Variants in AMN1 observed in about 807,000 individuals in gnomAD.
AMN1 encodes antagonist of mitotic exit network 1 homolog, also known as protein AMN1 homolog.
A neutral mutation model predicts 33.0 loss-of-function variants in AMN1; 20 were observed. That is an observed-to-expected ratio of 0.61 (90% CI 0.43 to 0.88). The LOEUF is 0.88. Among genes scored for constraint, AMN1 ranks in the 40% least tolerant of loss-of-function variants. The probability of loss-of-function intolerance (pLI) is 0.00; values close to 1 mark genes in which losing one functional copy is unlikely to be tolerated. For synonymous variants in AMN1, 114 were observed against 111.9 expected, an observed-to-expected ratio of 1.02 and a Z score of -0.12; for missense variants, 246 against 307.4, an observed-to-expected ratio of 0.80 and a Z score of 1.49.
intron 6 of AMN1, 42 bp downstream of exon 6, chr12:31,688,965 G>T: frequency 7.4e-7 from 1 of 1,345,322 alleles, no homozygotes; most frequent in Non-Finnish European, 1.1e-6. Context: ...CACAGTAAAA[G>T]ATGAAGCCAG....
chr12:31,709,446 A>G (rs1565778260), intron 1 of AMN1, 21 bp from the exon 2 acceptor site: 1 of 1,597,504 alleles, frequency 6.3e-7, no homozygotes. Flanking sequence ...AATACAATAT[A>G]GTAAATCACA....
intron 6 of AMN1, among the ~76,000 whole-genome samples, chr12:31,688,199 C>G (rs1565766082): frequency 6.6e-6 from 1 of 152,208 alleles, no homozygotes; most frequent in African/African-American, 2.4e-5. Flanking sequence ...GGTGATCCAC[C>G]CGCCTTGGCC....
At chr12:31,690,961 C>A (rs1938473536) in intron 5 of AMN1, among the ~76,000 whole-genome samples, 1 of 151,628 alleles carries the variant, frequency 6.6e-6, no homozygotes. Context: ...TGGTGAAACC[C>A]CCCGTCTCTA....
intron 6 of AMN1, among the ~76,000 whole-genome samples, chr12:31,686,099 C>T (rs77079808): frequency 2.0e-5 from 3 of 152,216 alleles, no homozygotes; most frequent in Admixed American, 2.0e-4. Context: ...TCTCAAAAGA[C>T]TCCTTGGTTT....
intron 6 of AMN1, among the ~76,000 whole-genome samples, chr12:31,685,800 C>CAAAAAGA (rs1555186103): frequency 1.7e-5 from 2 of 120,982 alleles, no homozygotes; most frequent in Non-Finnish European, 3.3e-5. Flanking sequence ...GACTCATTAT[C>CAAAAAGA]AAAAAAAAAA....
chr12:31,706,205 A>G (rs111563071), intron 2 of AMN1, among the ~76,000 whole-genome samples: 7 of 149,304 alleles, frequency 4.7e-5, no homozygotes, highest in Admixed American at 3.4e-4. Flanking sequence ...CCAGCTACTC[A>G]GGAGGCTGAG....
At chr12:31,729,043 G>A, upstream of AMN1, 2 of 1,525,834 alleles carry the variant, frequency 1.3e-6, no homozygotes, top group South Asian at 2.4e-5. Context: ...CGCGGTCCCA[G>A]GGCCTCCAGA....
At chr12:31,697,618 C>T (rs1938787666) in intron 4 of AMN1, 122 bp downstream of exon 4, 7 of 1,148,920 alleles carry the variant, frequency 6.1e-6, no homozygotes, top group Non-Finnish European at 8.8e-6. Flanking sequence ...CCACAAAAAG[C>T]ATGAAGTGGT....
At chr12:31,682,643 G>A (rs1201161940) in intron 6 of AMN1, among the ~76,000 whole-genome samples, 1 of 151,996 alleles carries the variant, frequency 6.6e-6, no homozygotes, top group Admixed American at 6.6e-5. Context: ...AAAGCAGGTG[G>A]GCTCTAGATA....
chr12:31,714,995 A>G, intron 1 of AMN1: 1 of 722,868 alleles, frequency 1.4e-6, no homozygotes, highest in Non-Finnish European at 1.7e-6. Context: ...ATGAACAAAT[A>G]TTCCGTATCA....
chr12:31,677,746 C>T (rs574797459), intron 6 of AMN1, among the ~76,000 whole-genome samples: 4 of 152,260 alleles, frequency 2.6e-5, no homozygotes, highest in Admixed American at 1.3e-4. Context: ...CTTCATTCTC[C>T]GCAAGTGAGT....
chr12:31,701,878 A>T lies in AMN1; in HGVS notation c.301T>A (p.Ser101Thr), dbSNP rs762909823. ...NLNASKGNRV[S>T]VTSEGIKAVA... ...ATAAACATACCTTCTGAAGTTACAG[A>T]AACTCGGTTCCCTTTTGAAGCATTT... Residue 101 changes from serine to threonine, a missense_variant, in exon 3 of 7, where the codon TCT becomes ACT. By Grantham distance (58) the Ser-to-Thr change is moderately conservative (BLOSUM62 1). Coordinates refer to ENST00000281471, the MANE Select transcript of AMN1 (RefSeq NM_001113402.2). 6.2e-7 allele frequency: 1 copy of T among 1,600,910 alleles called. No homozygotes were observed. The highest frequency in any genetic ancestry group is 8.5e-7 in the Non-Finnish European group (1 of 1,176,822).
intron 6 of AMN1, among the ~76,000 whole-genome samples, chr12:31,686,900 A>C (rs771791799): frequency 2.0e-5 from 3 of 152,218 alleles, no homozygotes; most frequent in Non-Finnish European, 4.4e-5. Flanking sequence ...AATCCACATG[A>C]TATAAAATTC....
At chr12:31,721,995 G>T (rs1939892572) in intron 1 of AMN1, among the ~76,000 whole-genome samples, 1 of 152,172 alleles carries the variant, frequency 6.6e-6, no homozygotes, top group Non-Finnish European at 1.5e-5. Flanking sequence ...AAGATTACAT[G>T]TATCTGACGC....
In AMN1 at chr12:31,672,261, G is replaced by A. The variant is rs1265591873; in HGVS notation, c.*43C>T. 5 of 1,381,574 alleles carry A rather than the reference G, an allele frequency of 3.6e-6. No individual in the cohort carries two copies. The highest frequency in any genetic ancestry group is 3.0e-6 in the Non-Finnish European group (3 of 992,656). The allele number at this position is 1,381,574 out of a possible 1,614,324, so 85.6% of individuals were successfully genotyped here. On this transcript the variant is annotated 3_prime_UTR_variant, in exon 7 of 7. Transcript: ENST00000281471. ...CTATAGATGGTTTCCTGGGAAAGTA[G>A]TTTTGATAAGCTTTCCTAGCATTGA...
At chr12:31,728,816 A>C (rs896432862) in intron 1 of AMN1, among the ~76,000 whole-genome samples, 155 bp downstream of exon 1, 4 of 149,080 alleles carry the variant, frequency 2.7e-5, no homozygotes, top group Admixed American at 6.7e-5. Context: ...AGGAAACGAC[A>C]GATCAGGAAC....
At chr12:31,725,425 C>A (rs1217036971) in intron 1 of AMN1, among the ~76,000 whole-genome samples, 1 of 152,126 alleles carries the variant, frequency 6.6e-6, no homozygotes, top group Non-Finnish European at 1.5e-5. Context: ...ATATCCCAAC[C>A]AATAATAGTT....
chr12:31,682,654 G>A (rs1938074654), intron 6 of AMN1, among the ~76,000 whole-genome samples: 1 of 152,126 alleles, frequency 6.6e-6, no homozygotes, highest in Non-Finnish European at 1.5e-5. Context: ...GCTCTAGATA[G>A]ATGGCTAATA....
intron 1 of AMN1, chr12:31,719,408 G>A: frequency 1.4e-6 from 1 of 715,218 alleles, no homozygotes. Flanking sequence ...TAGAGAAAAG[G>A]TTAGACATTT....
Sources: gnomAD v4.1 joint callset for allele counts (sites outside exome capture counted in the v4.1 genomes callset) on GRCh38, gnomAD v4.1.1 for gene constraint, MANE v1.5 for transcripts, NCBI Gene and HGNC (gene_info 2026-07-23, HGNC 2026-07-21) for gene names.